SGCD: variants seen among roughly 807,000 people sequenced by gnomAD.
The protein encoded by SGCD is sarcoglycan delta.
A neutral mutation model predicts 36.6 loss-of-function variants in SGCD; 18 were observed. That is an observed-to-expected ratio of 0.49 (90% CI 0.34 to 0.73). SGCD has a LOEUF of 0.73. Among genes scored for constraint, SGCD ranks in the 30% least tolerant of loss-of-function variants. SGCD has a pLI of 0.01. For missense variants in SGCD, 387 were observed against 346.7 expected (o/e 1.12, Z -0.92); for synonymous variants, 133 against 130.6 (o/e 1.02, Z -0.12).
At chr5:156,535,770 A>T (rs1478306773) in intron 4 of SGCD, among the ~76,000 whole-genome samples, 2 of 152,206 alleles carry the variant, frequency 1.3e-5, no homozygotes, top group Admixed American at 1.3e-4. Context: ...AGTCTAAAAC[A>T]TTCTAGTAAA....
intron 6 of SGCD, among the ~76,000 whole-genome samples, chr5:156,635,424 T>G (rs1762788418): frequency 6.6e-6 from 1 of 152,186 alleles, no homozygotes; most frequent in Non-Finnish European, 1.5e-5. Flanking sequence ...GGATCACTTT[T>G]ACACTGTTGG....
chr5:155,970,834 A>G (rs544755203), intron 1 of SGCD, among the ~76,000 whole-genome samples: 2 of 152,324 alleles, frequency 1.3e-5, no homozygotes, highest in East Asian at 1.9e-4. Flanking sequence ...GAGTTGTTTC[A>G]GTAGCAAGTA....
intron 3 of SGCD, among the ~76,000 whole-genome samples, chr5:156,375,736 T>C (rs78159313): frequency 0.035 from 5,263 of 152,304 alleles, 238 homozygotes; most frequent in African/African-American, 0.097. Flanking sequence ...AACGTTTATG[T>C]ATTTATGCCA....
At chr5:156,612,258 G>A (rs1233381862) in intron 6 of SGCD, among the ~76,000 whole-genome samples, 1 of 152,204 alleles carries the variant, frequency 6.6e-6, no homozygotes, top group Non-Finnish European at 1.5e-5. Flanking sequence ...GTCCTATGAT[G>A]TTTGTTGAGA....
At chr5:156,147,542 A>G (rs569644557) in intron 3 of SGCD, among the ~76,000 whole-genome samples, 1 of 152,300 alleles carries the variant, frequency 6.6e-6, no homozygotes, top group Admixed American at 6.5e-5. Flanking sequence ...CCCGACTAGA[A>G]AGCAAGATTT....
chr5:156,640,671 C>T (rs1002175826), intron 6 of SGCD, among the ~76,000 whole-genome samples: 10 of 152,120 alleles, frequency 6.6e-5, no homozygotes, highest in Non-Finnish European at 1.2e-4. Context: ...ATAAGAAAGC[C>T]AGAGCCTATT....
At chr5:156,011,036 A>T (rs1758849681) in intron 1 of SGCD, among the ~76,000 whole-genome samples, 1 of 152,216 alleles carries the variant, frequency 6.6e-6, no homozygotes, top group Non-Finnish European at 1.5e-5. Context: ...TTTGATAATT[A>T]AAAACATGCA....
intron 1 of SGCD, among the ~76,000 whole-genome samples, chr5:156,092,363 A>G (rs1391113645): frequency 6.6e-6 from 1 of 152,144 alleles, no homozygotes; most frequent in Non-Finnish European, 1.5e-5. Flanking sequence ...TTATATCCAC[A>G]TTGGGCCAGG....
chr5:155,977,487 T>G (rs1758140943), intron 1 of SGCD, among the ~76,000 whole-genome samples: 1 of 152,194 alleles, frequency 6.6e-6, no homozygotes. Context: ...TGACATGGAA[T>G]GGTGTTTAAT....
chr5:156,467,745 G>A (rs945124332), intron 3 of SGCD, among the ~76,000 whole-genome samples: 3 of 152,224 alleles, frequency 2.0e-5, no homozygotes, highest in African/African-American at 7.2e-5. Flanking sequence ...TAAGCCTTCA[G>A]TACAAAGAAC....
At chr5:155,917,309 C>T (rs539522588) in intron 1 of SGCD, among the ~76,000 whole-genome samples, 3 of 152,214 alleles carry the variant, frequency 2.0e-5, no homozygotes, top group Non-Finnish European at 2.9e-5. Flanking sequence ...CCTCGGTGGC[C>T]TCCTGTGTTA....
chr5:156,615,839 G>A (rs1475676560), intron 6 of SGCD, among the ~76,000 whole-genome samples: 1 of 152,180 alleles, frequency 6.6e-6, no homozygotes, highest in East Asian at 1.9e-4. Flanking sequence ...TGTAGTGGGA[G>A]AGAGAGAGTT....
chr5:156,263,345 T>C (rs1164404123), intron 3 of SGCD, among the ~76,000 whole-genome samples: 1 of 152,192 alleles, frequency 6.6e-6, no homozygotes, highest in African/African-American at 2.4e-5. Context: ...ATTTCTCTGA[T>C]CATTAGTGAT....
chr5:156,594,231 C>T (rs1340993410), intron 5 of SGCD, among the ~76,000 whole-genome samples: 3 of 152,158 alleles, frequency 2.0e-5, no homozygotes, highest in Non-Finnish European at 4.4e-5. Context: ...GTGTCTCCAT[C>T]AGAATATAGA....
intron 3 of SGCD, among the ~76,000 whole-genome samples, chr5:156,479,180 C>A (rs1216716456): frequency 6.6e-6 from 1 of 152,060 alleles, no homozygotes; most frequent in Admixed American, 6.6e-5. Flanking sequence ...GCAACCTCCA[C>A]CTCCCAGGTT....
At chr5:156,488,794 G>A (rs2127847265) in intron 3 of SGCD, among the ~76,000 whole-genome samples, 1 of 152,136 alleles carries the variant, frequency 6.6e-6, no homozygotes, top group East Asian at 1.9e-4. Flanking sequence ...CCACCAAACT[G>A]CAAAAATAAT....
chr5:156,458,916 C>G (rs1160538273), intron 3 of SGCD, among the ~76,000 whole-genome samples: 1 of 152,042 alleles, frequency 6.6e-6, no homozygotes, highest in East Asian at 1.9e-4. Context: ...CCAATTTTAA[C>G]AGGGATTTTT....
At chr5:155,729,164 C>G in the SGCD span, among the ~76,000 whole-genome samples, 1 of 152,246 alleles carries the variant, frequency 6.6e-6, no homozygotes, top group East Asian at 1.9e-4. Flanking sequence ...CCCTCCATCT[C>G]TAAGCCAAGG....
At chr5:155,770,325 T>A in the SGCD span, among the ~76,000 whole-genome samples, 1 of 148,684 alleles carries the variant, frequency 6.7e-6, no homozygotes, top group East Asian at 2.0e-4. Context: ...ACATTTAATT[T>A]GGACTTGAAG....
Sources: allele counts gnomAD v4.1 joint callset (sites outside exome capture counted in the v4.1 genomes callset), GRCh38; gene constraint gnomAD v4.1.1; transcripts MANE v1.5; gene names NCBI Gene and HGNC (gene_info 2026-07-23, HGNC 2026-07-21).